Variants in BBS9 observed in about 807,000 individuals in gnomAD.
BBS9 encodes the protein Bardet-Biedl syndrome 9.
BBS9 carries 89 observed loss-of-function variants against 117.7 expected under a neutral mutation model. The observed-to-expected ratio is 0.76, with a 90% CI of 0.64 to 0.90. The LOEUF (loss-of-function observed/expected upper bound fraction) is 0.90, where lower values mean the gene tolerates loss of function less well. Ranked by LOEUF, BBS9 falls within the 40% of genes least tolerant of loss-of-function variation. BBS9 has a pLI of 0.00. For synonymous variants in BBS9, 379 were observed against 370.9 expected, an observed-to-expected ratio of 1.02 and a Z score of -0.25; for missense variants, 982 against 1,042.2, an observed-to-expected ratio of 0.94 and a Z score of 0.80.
chr7:33,400,213 C>T (rs1265805507), intron 19 of BBS9, among the ~76,000 whole-genome samples: 1 of 136,922 alleles, frequency 7.3e-6, no homozygotes, highest in East Asian at 2.2e-4. Flanking sequence ...AAATTTTGTT[C>T]TGTTTGTTGT....
chr7:33,290,947 G>A (rs1285228510), intron 9 of BBS9, among the ~76,000 whole-genome samples: 1 of 151,962 alleles, frequency 6.6e-6, no homozygotes, highest in Admixed American at 6.5e-5. Context: ...TTACTTTAAA[G>A]AAAAAAGTAT....
rs76781371 is a variant in BBS9, at chr7:33,357,510, C to T, written c.1553-345C>T. Among the ~76,000 whole-genome samples the T allele has an allele frequency of 7.7e-3, 1,176 of 151,772 alleles. 15 individuals carry two copies. Among genetic ancestry groups the T allele is most frequent in the Middle Eastern group, 0.014 (4 of 294 alleles). ...GTTTGCTGATAGTCTTGGATTAGGG[C>T]TAGAGCTCTGAAGGTCTTAAAGACT... On this transcript the variant is annotated intron_variant, in intron 15 of 22. Transcript: ENST00000242067.
At chr7:33,613,870 T>C (rs1169094333) in intron 21 of BBS9, among the ~76,000 whole-genome samples, 1 of 152,060 alleles carries the variant, frequency 6.6e-6, no homozygotes, top group African/African-American at 2.4e-5. Flanking sequence ...CTTGGACTTC[T>C]ACCATTAGTC....
intron 21 of BBS9, among the ~76,000 whole-genome samples, chr7:33,599,080 T>C (rs1473656399): frequency 7.2e-5 from 11 of 152,202 alleles, no homozygotes; most frequent in Admixed American, 7.2e-4. Flanking sequence ...ATTTACTATC[T>C]GGCCAACCCC....
chr7:33,556,338 C>G (rs1043818193), intron 21 of BBS9, among the ~76,000 whole-genome samples: 4 of 152,196 alleles, frequency 2.6e-5, no homozygotes, highest in Non-Finnish European at 5.9e-5. Context: ...TCAAGTCAAA[C>G]ACAAGGGTGA....
chr7:33,161,370 G>A (rs928983336), intron 4 of BBS9, among the ~76,000 whole-genome samples: 2 of 152,106 alleles, frequency 1.3e-5, no homozygotes, highest in Admixed American at 6.6e-5. Context: ...AACATGCAGT[G>A]TTTGGTTTTC....
intron 19 of BBS9, among the ~76,000 whole-genome samples, chr7:33,474,458 T>G (rs989925583): frequency 1.3e-5 from 2 of 152,214 alleles, no homozygotes; most frequent in South Asian, 2.1e-4. Flanking sequence ...TGGGAAAAAT[T>G]TTTAACATAT....
intron 20 of BBS9, among the ~76,000 whole-genome samples, chr7:33,528,062 T>C (rs544217730): frequency 1.1e-4 from 16 of 152,330 alleles, no homozygotes; most frequent in Admixed American, 8.5e-4. Flanking sequence ...TTCCATACAA[T>C]ATGATACAAA....
At chr7:33,267,592 G>A (rs1383882275) in intron 7 of BBS9, among the ~76,000 whole-genome samples, 1 of 151,792 alleles carries the variant, frequency 6.6e-6, no homozygotes, top group Non-Finnish European at 1.5e-5. Context: ...TCTACCTTCA[G>A]GTGATATATT....
At chr7:33,304,607 A>C (rs556120561) in intron 9 of BBS9, among the ~76,000 whole-genome samples, 10 of 152,166 alleles carry the variant, frequency 6.6e-5, no homozygotes, top group Non-Finnish European at 1.5e-4. Context: ...GTGAAGTGAC[A>C]GCCTTTCTGC....
intron 21 of BBS9, among the ~76,000 whole-genome samples, chr7:33,561,211 A>G (rs1407516425): frequency 1.3e-5 from 2 of 152,212 alleles, no homozygotes; most frequent in African/African-American, 4.8e-5. Context: ...AAAGTGCTTT[A>G]GAGTTGTGGA....
intron 17 of BBS9, among the ~76,000 whole-genome samples, chr7:33,373,382 A>G (rs1823222184): frequency 6.6e-6 from 1 of 152,186 alleles, no homozygotes; most frequent in African/African-American, 2.4e-5. Context: ...GATAATCTGC[A>G]AAGAATGCTG....
At chr7:33,143,697 C>T (rs558878683) in intron 1 of BBS9, among the ~76,000 whole-genome samples, 2 of 151,974 alleles carry the variant, frequency 1.3e-5, no homozygotes, top group African/African-American at 4.8e-5. Context: ...TCCTGAGTGG[C>T]TGGGATTACA....
intron 5 of BBS9, among the ~76,000 whole-genome samples, chr7:33,212,448 A>T (rs1423621178): frequency 6.6e-6 from 1 of 152,020 alleles, no homozygotes; most frequent in Non-Finnish European, 1.5e-5. Context: ...CATTTATCTG[A>T]TCGGATTCTG....
intron 7 of BBS9, among the ~76,000 whole-genome samples, chr7:33,265,995 T>G (rs1798753559): frequency 6.6e-6 from 1 of 152,168 alleles, no homozygotes; most frequent in Non-Finnish European, 1.5e-5. Context: ...AATAGTGGTG[T>G]TCTTCCATTT....
chr7:33,264,883 T>C (rs1798555708), intron 7 of BBS9, among the ~76,000 whole-genome samples: 1 of 152,164 alleles, frequency 6.6e-6, no homozygotes, highest in East Asian at 1.9e-4. Context: ...CATTAATTCT[T>C]TAAATATTTT....
rs79174821 is a variant in BBS9 at position 33,435,749 on chromosome 7, A to G, written c.2115+47605A>G. On this transcript the variant is annotated intron_variant, in intron 19 of 22. Transcript: ENST00000242067. ...AAATAGCAGTGCATATTTTATGGAG[A>G]TATATTTTCCGTAAAGGCCATTCAG... Among the ~76,000 whole-genome samples, 347 of 152,222 alleles carry G rather than the reference A, an allele frequency of 2.3e-3. 1 individual carries two copies. The highest frequency in any genetic ancestry group is 8.1e-3 in the African/African-American group (338 of 41,544).
intron 17 of BBS9, among the ~76,000 whole-genome samples, chr7:33,382,189 T>C (rs931781923): frequency 2.0e-5 from 3 of 152,116 alleles, no homozygotes; most frequent in African/African-American, 7.2e-5. Context: ...TGACCCAGTG[T>C]GGCAGCTCAT....
chr7:33,432,400 C>T (rs527391668), intron 19 of BBS9, among the ~76,000 whole-genome samples: 2 of 151,648 alleles, frequency 1.3e-5, no homozygotes, highest in Admixed American at 1.3e-4. Flanking sequence ...TGAGCCACCG[C>T]GCCCAGCTGA....
Sources: allele counts gnomAD v4.1 joint callset (sites outside exome capture counted in the v4.1 genomes callset), GRCh38; gene constraint gnomAD v4.1.1; transcripts MANE v1.5; gene names NCBI Gene and HGNC (gene_info 2026-07-23, HGNC 2026-07-21).